The following DCAF6 variants were observed in gnomAD, a reference collection of about 807,000 sequenced individuals.
The protein encoded by DCAF6 is DDB1 and CUL4 associated factor 6.
In DCAF6, 54 loss-of-function variants were observed where a neutral mutation model predicts 125.1. The observed-to-expected ratio is 0.43, with a 90% CI of 0.35 to 0.54. The LOEUF is 0.54. Ranked by LOEUF, DCAF6 falls within the 20% of genes least tolerant of loss-of-function variation. The probability of loss-of-function intolerance (pLI) is 0.01; values close to 1 mark genes in which losing one functional copy is unlikely to be tolerated. For synonymous variants in DCAF6, 371 were observed against 390.4 expected (o/e 0.95, Z 0.58); for missense variants, 934 against 1,161.7 (o/e 0.80, Z 2.85).
At chr1:167,968,220 A>G (rs1676732772) in intron 3 of DCAF6, among the ~76,000 whole-genome samples, 1 of 152,224 alleles carries the variant, frequency 6.6e-6, no homozygotes, top group Non-Finnish European at 1.5e-5. Context: ...TACTACCTAT[A>G]TCAGGAGATT....
chr1:168,068,015 C>G (rs952620516), intron 20 of DCAF6, among the ~76,000 whole-genome samples: 5 of 152,168 alleles, frequency 3.3e-5, no homozygotes, highest in African/African-American at 1.2e-4. Flanking sequence ...GTTATCAGTT[C>G]TCCTATAGGG....
chr1:167,996,910 G>A (rs146084520), intron 7 of DCAF6, among the ~76,000 whole-genome samples: 1 of 152,116 alleles, frequency 6.6e-6, no homozygotes, highest in African/African-American at 2.4e-5. Context: ...TAAAATCACG[G>A]CCTTTAACTG....
chr1:167,943,338 A>G (rs1672547222), intron 1 of DCAF6, among the ~76,000 whole-genome samples: 2 of 152,192 alleles, frequency 1.3e-5, no homozygotes, highest in Admixed American at 1.3e-4. Context: ...TTGAATCTAT[A>G]TATTATTTCA....
chr1:167,898,634 G>T, the DCAF6 span, among the ~76,000 whole-genome samples: 2 of 151,820 alleles, frequency 1.3e-5, no homozygotes, highest in Admixed American at 1.3e-4. Context: ...AAGAGCATGG[G>T]AATGGGCTAT....
chr1:168,058,565 TTTTG>T (rs369988779), intron 17 of DCAF6, among the ~76,000 whole-genome samples: 6 of 152,058 alleles, frequency 3.9e-5, no homozygotes, highest in African/African-American at 7.2e-5. Context: ...TGATCTGGTT[TTTTG>T]TTTGTTTGTT....
chr1:168,028,603 A>T (rs963140888), intron 12 of DCAF6, among the ~76,000 whole-genome samples: 1 of 152,188 alleles, frequency 6.6e-6, no homozygotes, highest in Non-Finnish European at 1.5e-5. Flanking sequence ...ATATAAGCTG[A>T]CTGTCTTTGA....
intron 2 of DCAF6, among the ~76,000 whole-genome samples, chr1:167,964,976 T>C (rs920924815): frequency 6.6e-6 from 1 of 152,228 alleles, no homozygotes; most frequent in African/African-American, 2.4e-5. Context: ...ACTCTTAGCA[T>C]GCTAATCATA....
In DCAF6 at chr1:168,009,369, TCC is replaced by T. The variant is rs1557970950; in HGVS notation, c.1378+4577_1378+4578del. 3.0e-3 allele frequency among the ~76,000 whole-genome samples: 411 copies of T among 137,864 alleles called. 1 individual carries two copies. The highest frequency in any genetic ancestry group is 0.011 in the African/African-American group (390 of 34,170). 90.4% of individuals were successfully genotyped at this position (137,864 alleles called of 152,430 possible). ...TCCCTTCCTTCCTTCCTTCCTTCCT[TCC>T]TTCCTTCCTTCCTTCCTTTCTTTCT... On this transcript the variant is annotated intron_variant, in intron 10 of 21. Transcript: ENST00000367840.
At chr1:167,937,116 C>G in intron 1 of DCAF6, 108 bp downstream of exon 1, 1 of 925,854 alleles carries the variant, frequency 1.1e-6, no homozygotes, top group Non-Finnish European at 1.7e-6. Context: ...TGGGGGCGCC[C>G]GGAGACTCTG....
the DCAF6 span, among the ~76,000 whole-genome samples, chr1:167,874,839 A>G: frequency 6.6e-6 from 1 of 152,242 alleles, no homozygotes; most frequent in African/African-American, 2.4e-5. Flanking sequence ...ATAACATACC[A>G]TTGAGTAAGA....
intron 12 of DCAF6, among the ~76,000 whole-genome samples, chr1:168,033,284 G>A (rs924861165): frequency 1.4e-5 from 2 of 147,380 alleles, no homozygotes; most frequent in Admixed American, 1.3e-4. Flanking sequence ...GAGGTCTCTA[G>A]TAGCATTTCT....
At chr1:167,919,847 T>C in the DCAF6 span, 1 of 570,968 alleles carries the variant, frequency 1.8e-6, no homozygotes, top group Non-Finnish European at 3.1e-6. Context: ...GCATTATATA[T>C]GAATCTTTTA....
At chr1:167,990,472 T>TG (rs1170619922) in intron 5 of DCAF6, among the ~76,000 whole-genome samples, 3 of 152,242 alleles carry the variant, frequency 2.0e-5, no homozygotes, top group African/African-American at 7.2e-5. Flanking sequence ...AGTGGACCAA[T>TG]AATAGCAGGC....
intron 10 of DCAF6, among the ~76,000 whole-genome samples, chr1:168,010,750 A>G (rs560803253): frequency 2.6e-5 from 4 of 152,258 alleles, no homozygotes; most frequent in African/African-American, 9.6e-5. Flanking sequence ...AATATTTCAA[A>G]ATAACTATGA....
chr1:167,891,530 C>T, the DCAF6 span, among the ~76,000 whole-genome samples: 1 of 151,676 alleles, frequency 6.6e-6, no homozygotes, highest in Non-Finnish European at 1.5e-5. Context: ...GTGGCGGGCG[C>T]CTGTAGTCCC....
At chr1:167,908,005 G>A in the DCAF6 span, among the ~76,000 whole-genome samples, 12 of 152,066 alleles carry the variant, frequency 7.9e-5, no homozygotes, top group Non-Finnish European at 1.6e-4. Context: ...ATAATATGCA[G>A]GTTCCTAAAA....
rs1239460219 is a variant in DCAF6, at chr1:168,056,452, ACGCCTCGGCCACCCG to A, written c.2300+5524_2300+5538del. Reference sequence around the variant, plus strand: ...GCAGGGGTGCGGGGGTCGCAGCGCTACGCCTCGGCCACCCGCGCCGGGAGGCGGGGCGGGGAGGGG... The same window carrying A: ...GCAGGGGTGCGGGGGTCGCAGCGCTACGCCGGGAGGCGGGGCGGGGAGGGG... On this transcript the variant is annotated intron_variant, in intron 17 of 21. Transcript: ENST00000367840. The A allele has an allele frequency of 4.2e-6, 5 of 1,188,018 alleles. No individual in the cohort carries two copies. The East Asian group carries it at 9.1e-5, about 22-fold the overall frequency. The allele number at this position is 1,188,018 out of a possible 1,614,324, so 73.6% of individuals were successfully genotyped here. A position where few individuals can be genotyped will look rare whatever the true frequency, so the allele number is the denominator to read the frequency against.
chr1:167,982,250 C>CTT (rs564606655), intron 4 of DCAF6, among the ~76,000 whole-genome samples: 3 of 148,968 alleles, frequency 2.0e-5, no homozygotes, highest in African/African-American at 7.4e-5. Context: ...TTTTTAAGTT[C>CTT]TTTTTTTTTT....
intron 10 of DCAF6, among the ~76,000 whole-genome samples, chr1:168,011,107 C>T (rs1684215109): frequency 6.8e-6 from 1 of 146,590 alleles, no homozygotes; most frequent in Non-Finnish European, 1.5e-5. Flanking sequence ...CTCAGACCAT[C>T]AGAATTTTTT....
Sources: gnomAD v4.1 joint callset for allele counts (sites outside exome capture counted in the v4.1 genomes callset) on GRCh38, gnomAD v4.1.1 for gene constraint, MANE v1.5 for transcripts, NCBI Gene and HGNC (gene_info 2026-07-23, HGNC 2026-07-21) for gene names.